TMEM229B: variants seen among roughly 807,000 people sequenced by gnomAD.
TMEM229B encodes the protein transmembrane protein 229B.
TMEM229B carries 6 observed loss-of-function variants against 13.7 expected under a neutral mutation model. That is an observed-to-expected ratio of 0.44 (90% confidence interval 0.24 to 0.86). The LOEUF is 0.86. TMEM229B is among the 40% of genes least tolerant of loss of function. The probability of loss-of-function intolerance (pLI) is 0.23; values close to 1 mark genes in which losing one functional copy is unlikely to be tolerated. For missense variants in TMEM229B, 170 were observed against 236.0 expected, an observed-to-expected ratio of 0.72 and a Z score of 1.83; for synonymous variants, 107 against 102.1, an observed-to-expected ratio of 1.05 and a Z score of -0.29.
At chr14:67,525,657 T>TA in intron 1 of TMEM229B, among the ~76,000 whole-genome samples, 1 of 152,358 alleles carries the variant, frequency 6.6e-6, no homozygotes, top group Admixed American at 6.5e-5. Context: ...CTTCCCTCTA[T>TA]AAATGGCTTC....
At chr14:67,500,665 A>G (rs1044728429) in intron 1 of TMEM229B, among the ~76,000 whole-genome samples, 55 of 145,412 alleles carry the variant, frequency 3.8e-4, no homozygotes, top group African/African-American at 1.3e-3. Context: ...TCCACCTCCC[A>G]GGTTCATGCC....
intron 1 of TMEM229B, among the ~76,000 whole-genome samples, chr14:67,521,642 G>A (rs1027659268): frequency 2.4e-4 from 36 of 152,352 alleles, no homozygotes; most frequent in African/African-American, 8.4e-4. Flanking sequence ...AAGAACTCAT[G>A]ATTCTGTGAT....
chr14:67,479,461 T>TA (rs1401087810), intron 2 of TMEM229B, among the ~76,000 whole-genome samples: 1 of 149,372 alleles, frequency 6.7e-6, no homozygotes, highest in Non-Finnish European at 1.5e-5. Flanking sequence ...CTCATGCCTG[T>TA]AATCCCAGTA....
At chr14:67,530,216 C>T (rs1339337312) in intron 1 of TMEM229B, among the ~76,000 whole-genome samples, 4 of 152,214 alleles carry the variant, frequency 2.6e-5, no homozygotes, top group African/African-American at 7.2e-5. Flanking sequence ...TTATAGATCA[C>T]TTGCTGCATG....
chr14:67,491,443 C>T (rs2032164871), upstream of TMEM229B, among the ~76,000 whole-genome samples: 1 of 152,184 alleles, frequency 6.6e-6, no homozygotes, highest in Admixed American at 6.5e-5. Flanking sequence ...TGTCTAGCCC[C>T]TCCACCACCC....
chr14:67,500,873 G>A (rs2032582137), intron 1 of TMEM229B, among the ~76,000 whole-genome samples: 1 of 151,714 alleles, frequency 6.6e-6, no homozygotes, highest in Admixed American at 6.6e-5. Flanking sequence ...GCCTGGCCTG[G>A]ATATTTTTTA....
chr14:67,531,836 AG>A (rs1442809958), intron 1 of TMEM229B, among the ~76,000 whole-genome samples: 2 of 142,618 alleles, frequency 1.4e-5, no homozygotes, highest in African/African-American at 2.6e-5. Context: ...TGAGCCCAGG[AG>A]TTCAAGTTAC....
chr14:67,482,208 G>C (rs543227406), intron 2 of TMEM229B, among the ~76,000 whole-genome samples: 1 of 152,296 alleles, frequency 6.6e-6, no homozygotes, highest in South Asian at 2.1e-4. Context: ...TTCACTAAGA[G>C]CATCTCACCG....
chr14:67,523,437 C>G (rs1281489291), intron 1 of TMEM229B, among the ~76,000 whole-genome samples: 1 of 152,146 alleles, frequency 6.6e-6, no homozygotes, highest in Non-Finnish European at 1.5e-5. Context: ...ATGTGCCATG[C>G]ACTGTGCTAA....
chr14:67,522,356 C>T (rs1385851481), intron 1 of TMEM229B, among the ~76,000 whole-genome samples: 1 of 152,174 alleles, frequency 6.6e-6, no homozygotes, highest in African/African-American at 2.4e-5. Context: ...AATCCAAACT[C>T]CAAGCTGGTC....
intron 1 of TMEM229B, among the ~76,000 whole-genome samples, chr14:67,525,844 A>C (rs992963682): frequency 6.6e-6 from 1 of 152,240 alleles, no homozygotes; most frequent in Admixed American, 6.5e-5. Flanking sequence ...GATTCACACA[A>C]GCATGATGCC....
chr14:67,470,917 CA>C lies in TMEM229B; in HGVS notation c.*2502del, dbSNP rs893081871. ...ATGCTTGGCAGGGCTGGGATTATTC[CA>C]AACTTTGAGTCCCTGGCCACTAAGG... On this transcript the variant is annotated 3_prime_UTR_variant, in exon 3 of 3. Transcript: ENST00000554480. 3.3e-5 allele frequency: 5 copies of C among 152,366 alleles called. No individual in the cohort carries two copies. The highest frequency in any genetic ancestry group is 3.3e-4 in the Admixed American group (5 of 15,296). The allele number at this position is 152,366 out of a possible 1,614,324, so 9.4% of individuals were successfully genotyped here.
chr14:67,531,720 C>G (rs567187296), intron 1 of TMEM229B, among the ~76,000 whole-genome samples: 24 of 149,196 alleles, frequency 1.6e-4, no homozygotes, highest in Non-Finnish European at 3.4e-4. Context: ...TTTGAGACCC[C>G]ACCTCTACTA....
chr14:67,478,150 C>T (rs888663095), intron 2 of TMEM229B, among the ~76,000 whole-genome samples: 1 of 152,244 alleles, frequency 6.6e-6, no homozygotes, highest in African/African-American at 2.4e-5. Context: ...AGCGTAGCTC[C>T]ACTCCACCTG....
chr14:67,528,551 T>G (rs1178599285), intron 1 of TMEM229B, among the ~76,000 whole-genome samples: 1 of 152,206 alleles, frequency 6.6e-6, no homozygotes, highest in African/African-American at 2.4e-5. Context: ...ACTAGGATGT[T>G]GCAAACTCTA....
chr14:67,515,437 G>GCAC (rs2033176843), upstream of TMEM229B: 2 of 184,756 alleles, frequency 1.1e-5, no homozygotes, highest in Admixed American at 6.3e-5. Context: ...GGCGGCGGCG[G>GCAC]CACTCACCCA....
intron 1 of TMEM229B, among the ~76,000 whole-genome samples, chr14:67,513,739 T>G (rs750558386): frequency 2.6e-5 from 4 of 152,144 alleles, no homozygotes; most frequent in Admixed American, 2.6e-4. Context: ...GGCCCTCCAG[T>G]GCCTTCTGTC....
intron 1 of TMEM229B, among the ~76,000 whole-genome samples, chr14:67,528,348 T>C (rs999436623): frequency 3.9e-5 from 6 of 152,156 alleles, no homozygotes; most frequent in African/African-American, 1.4e-4. Context: ...CTGGCAGCTC[T>C]CTGACAGGCC....
intron 1 of TMEM229B, among the ~76,000 whole-genome samples, chr14:67,528,543 T>G (rs148386269): frequency 2.9e-4 from 44 of 152,300 alleles, no homozygotes; most frequent in African/African-American, 9.1e-4. Flanking sequence ...GCTTTAAAAC[T>G]AGGATGTTGC....
Sources: gnomAD v4.1 joint callset for allele counts (sites outside exome capture counted in the v4.1 genomes callset) on GRCh38, gnomAD v4.1.1 for gene constraint, MANE v1.5 for transcripts, NCBI Gene and HGNC (gene_info 2026-07-23, HGNC 2026-07-21) for gene names.